The following ROR2 variants were observed in gnomAD, a reference collection of about 807,000 sequenced individuals.
ROR2 encodes tyrosine-protein kinase transmembrane receptor ROR2.
Under a neutral mutation model 74.9 loss-of-function variants are expected in ROR2, and 33 were observed. That is an observed-to-expected ratio of 0.44 (90% confidence interval 0.33 to 0.59). ROR2 has a LOEUF of 0.59. Among genes scored for constraint, ROR2 ranks in the 20% least tolerant of loss-of-function variants. The pLI is 0.02. For synonymous variants in ROR2, 586 were observed against 558.7 expected, an observed-to-expected ratio of 1.05 and a Z score of -0.69; for missense variants, 1,216 against 1,313.8, an observed-to-expected ratio of 0.93 and a Z score of 1.15.
intron 1 of ROR2, among the ~76,000 whole-genome samples, chr9:91,902,338 G>A (rs562822555): frequency 6.6e-6 from 1 of 152,062 alleles, no homozygotes; most frequent in African/African-American, 2.4e-5. Context: ...TTCGCTGTCA[G>A]GGTCTTTTCC....
rs115973370 is a variant in ROR2 at position 91,784,222 on chromosome 9, G to T, written c.98-8404C>A. Among the ~76,000 whole-genome samples the T allele has an allele frequency of 3.2e-3, 494 of 152,264 alleles. 3 individuals carry two copies. Among genetic ancestry groups the T allele is most frequent in the African/African-American group, 0.011 (478 of 41,566 alleles). ...AGGCCACAAGGCTGGAGTTCGTCTT[G>T]ACTCCTTTCCTCTCAAATCCCACAC... On this transcript the variant is annotated intron_variant, in intron 1 of 8. Transcript: ENST00000375708.
intron 1 of ROR2, among the ~76,000 whole-genome samples, chr9:91,882,875 T>A (rs1044547925): frequency 6.6e-6 from 1 of 152,146 alleles, no homozygotes; most frequent in South Asian, 2.1e-4. Flanking sequence ...GATCTGGGAC[T>A]TCCAGCCTTC....
In ROR2 at chr9:91,730,910, T is replaced by C; in HGVS notation, c.1183A>G (p.Ser395Gly). 1 of 1,614,142 alleles carries C rather than the reference T, an allele frequency of 6.2e-7. No homozygotes were observed. The highest frequency in any genetic ancestry group is 8.5e-7 in the Non-Finnish European group (1 of 1,180,032). ...RMELCDVPSC[S>G]PRDSSKMGIL... ...AAAAAAAGAGAGAGAGAATACATAC[T>C]ACACGAGGGTACGTCACACAGTTCC... The change falls in exon 7 of 9, where the codon AGT (serine) becomes GGT (glycine). Residue 395 changes from serine (S) to glycine (G), a missense_variant and splice_region_variant. By Grantham distance (56) the Ser-to-Gly change is moderately conservative. Transcript: ENST00000375708.
chr9:91,823,338 CT>C lies in ROR2; in HGVS notation c.98-47521del, dbSNP rs112058068. Among the ~76,000 whole-genome samples, 750 of 144,926 alleles carry C rather than the reference CT, an allele frequency of 5.2e-3. 5 individuals are homozygous for C. Among genetic ancestry groups the C allele is most frequent in the African/African-American group, 0.012 (492 of 39,830 alleles). ...CTTATTTTCAAACTGTTCAGCAACA[CT>C]TTTTTTTTTTTTCAAGACGGAATCT... On this transcript the variant is annotated intron_variant, in intron 1 of 8. Coordinates refer to ENST00000375708, the MANE Select transcript of ROR2 (RefSeq NM_004560.4).
rs1232142986 is a variant in ROR2 at position 91,909,842 on chromosome 9, G to GTT, written c.97+40023_97+40024dup. Among the ~76,000 whole-genome samples the GTT allele has an allele frequency of 8.9e-3, 496 of 55,710 alleles. 45 individuals are homozygous for GTT. The highest frequency in any genetic ancestry group is 0.025 in the African/African-American group (327 of 13,230). 36.5% of individuals were successfully genotyped at this position (55,710 alleles called of 152,430 possible). A position where few individuals can be genotyped will look rare whatever the true frequency, so the allele number is the denominator to read the frequency against. ...TTTATTCTTTTTTTTTTTTAGGTTT[G>GTT]TTTTGTTTTTTTTTTTTTTTTTTTT... On this transcript the variant is annotated intron_variant, in intron 1 of 8. Coordinates refer to ENST00000375708, the MANE Select transcript of ROR2 (RefSeq NM_004560.4).
chr9:91,725,003 C>G lies in ROR2; in HGVS notation c.1491G>C (p.Pro497=), dbSNP rs146347005. 11 of 1,613,724 alleles carry G rather than the reference C, an allele frequency of 6.8e-6. No individual in the cohort carries two copies. In the South Asian group the frequency reaches 9.9e-5, roughly 14 times the overall value. The change falls in exon 9 of 9, where the codon CCG becomes CCC. Residue 497 remains proline, a synonymous_variant. Coordinates refer to ENST00000375708, the MANE Select transcript of ROR2 (RefSeq NM_004560.4). ...TGGCCACAGCCTGGGTCTGCTCCCC[C>G]GGGGCAGGGCCGAACAGGTGACCTT... is the stretch of plus-strand genomic sequence containing the variant. ...VYKGHLFGPA[P]GEQTQAVAIK... is the part of the protein sequence containing the mutation.
intron 1 of ROR2, among the ~76,000 whole-genome samples, chr9:91,867,063 T>A (rs1361982703): frequency 6.6e-6 from 1 of 152,170 alleles, no homozygotes; most frequent in Non-Finnish European, 1.5e-5. Flanking sequence ...TGCCCACATC[T>A]CCCATGAATG....
At chr9:91,833,086 G>A (rs1190477548) in intron 1 of ROR2, among the ~76,000 whole-genome samples, 1 of 152,176 alleles carries the variant, frequency 6.6e-6, no homozygotes, top group Admixed American at 6.5e-5. Context: ...GAGGGACAGG[G>A]AAGGTGGGCT....
At chr9:91,811,288 C>G (rs929085714) in intron 1 of ROR2, among the ~76,000 whole-genome samples, 3 of 152,356 alleles carry the variant, frequency 2.0e-5, no homozygotes, top group African/African-American at 7.2e-5. Context: ...TGCACGGGAA[C>G]CACGGGGGAG....
At chr9:91,734,030 G>C (rs547725710) in intron 5 of ROR2, among the ~76,000 whole-genome samples, 1 of 152,328 alleles carries the variant, frequency 6.6e-6, no homozygotes, top group Non-Finnish European at 1.5e-5. Flanking sequence ...TCTGTGATAA[G>C]GGGGAGCAGA....
At chr9:91,798,581 T>C (rs1827266120) in intron 1 of ROR2, among the ~76,000 whole-genome samples, 1 of 138,076 alleles carries the variant, frequency 7.2e-6, no homozygotes, top group South Asian at 2.4e-4. Context: ...CCTGGGCTAG[T>C]GAGTGGAGCT....
chr9:91,917,784 G>C (rs893222915), intron 1 of ROR2, among the ~76,000 whole-genome samples: 1 of 152,226 alleles, frequency 6.6e-6, no homozygotes, highest in Non-Finnish European at 1.5e-5. Flanking sequence ...AGACAGGCCA[G>C]CAGGGCACTC....
intron 4 of ROR2, among the ~76,000 whole-genome samples, chr9:91,739,015 G>C (rs1211833604): frequency 1.3e-5 from 2 of 152,220 alleles, no homozygotes; most frequent in Non-Finnish European, 2.9e-5. Flanking sequence ...ACGCCAATGA[G>C]CCACAGCAGA....
chr9:91,940,619 G>C (rs1831823861), intron 1 of ROR2, among the ~76,000 whole-genome samples: 2 of 146,712 alleles, frequency 1.4e-5, no homozygotes, highest in African/African-American at 5.2e-5. Flanking sequence ...TCTTGAGACA[G>C]AGTCTTGCTC....
intron 1 of ROR2, among the ~76,000 whole-genome samples, chr9:91,836,947 G>A (rs1238650624): frequency 1.3e-5 from 2 of 152,178 alleles, no homozygotes; most frequent in Non-Finnish European, 2.9e-5. Flanking sequence ...TTGGTCAATG[G>A]TATATACCAT....
intron 1 of ROR2, among the ~76,000 whole-genome samples, chr9:91,944,039 G>A (rs139051003): frequency 1.9e-4 from 29 of 152,292 alleles, no homozygotes; most frequent in African/African-American, 6.0e-4. Context: ...ACAGTCATGC[G>A]TTGCTCAACG....
intron 5 of ROR2, among the ~76,000 whole-genome samples, chr9:91,734,432 C>T (rs1330209244): frequency 5.3e-5 from 8 of 152,190 alleles, no homozygotes; most frequent in African/African-American, 1.4e-4. Flanking sequence ...ACTCCACCCA[C>T]GAATGCAGTT....
At chr9:91,853,273 C>T (rs1413610710) in intron 1 of ROR2, among the ~76,000 whole-genome samples, 3 of 152,144 alleles carry the variant, frequency 2.0e-5, no homozygotes, top group South Asian at 2.1e-4. Context: ...GCGAGTTTAA[C>T]GACCCAACCA....
At chr9:91,891,628 G>T (rs1376667463) in intron 1 of ROR2, among the ~76,000 whole-genome samples, 1 of 152,212 alleles carries the variant, frequency 6.6e-6, no homozygotes, top group Admixed American at 6.5e-5. Flanking sequence ...CATTCAGGTT[G>T]TTGTCCATAT....
Sources: gnomAD v4.1 joint callset for allele counts (sites outside exome capture counted in the v4.1 genomes callset) on GRCh38, gnomAD v4.1.1 for gene constraint, MANE v1.5 for transcripts, NCBI Gene and HGNC (gene_info 2026-07-23, HGNC 2026-07-21) for gene names.